Variants in EXTL3 observed in about 807,000 individuals in gnomAD.
The protein encoded by EXTL3 is exostosin-like 3.
EXTL3 carries 27 observed loss-of-function variants against 69.3 expected under a neutral mutation model. The ratio of observed to expected loss-of-function variants is 0.39; its 90% CI spans 0.29 to 0.54. The LOEUF is 0.54. Among genes scored for constraint, EXTL3 ranks in the 20% least tolerant of loss-of-function variants. The probability of loss-of-function intolerance (pLI) is 0.69; values close to 1 mark genes in which losing one functional copy is unlikely to be tolerated. For synonymous variants in EXTL3, 511 were observed against 499.4 expected, an observed-to-expected ratio of 1.02 and a Z score of -0.31; for missense variants, 1,003 against 1,231.8, an observed-to-expected ratio of 0.81 and a Z score of 2.78.
At chr8:28,709,232 C>T (rs1395769181) in intron 1 of EXTL3, among the ~76,000 whole-genome samples, 2 of 152,176 alleles carry the variant, frequency 1.3e-5, no homozygotes, top group Non-Finnish European at 2.9e-5. Flanking sequence ...ACAGTAAACC[C>T]ACTTCACGGG....
At chr8:28,744,697 G>A (rs1170293399) in intron 6 of EXTL3, among the ~76,000 whole-genome samples, 1 of 152,158 alleles carries the variant, frequency 6.6e-6, no homozygotes, top group Non-Finnish European at 1.5e-5. Context: ...AGGAGGCCAA[G>A]GCAGGAGAAT....
At chr8:28,659,599 C>G (rs575617097) in intron 1 of EXTL3, among the ~76,000 whole-genome samples, 1 of 152,270 alleles carries the variant, frequency 6.6e-6, no homozygotes, top group East Asian at 1.9e-4. Context: ...ATGTCAGCTT[C>G]TATCCTGGAT....
intron 1 of EXTL3, among the ~76,000 whole-genome samples, chr8:28,674,134 C>T (rs1265901353): frequency 6.6e-6 from 1 of 152,134 alleles, no homozygotes; most frequent in Non-Finnish European, 1.5e-5. Flanking sequence ...AGCTGGAGTG[C>T]AGTAGCACAA....
At chr8:28,701,993 T>A (rs895079181) in intron 1 of EXTL3, among the ~76,000 whole-genome samples, 1 of 150,186 alleles carries the variant, frequency 6.7e-6, no homozygotes, top group Non-Finnish European at 1.5e-5. Context: ...CGCCTCCACC[T>A]TTTTTTGGAC....
intron 1 of EXTL3, among the ~76,000 whole-genome samples, chr8:28,671,344 C>T (rs1323037439): frequency 2.3e-5 from 3 of 129,214 alleles, no homozygotes; most frequent in Non-Finnish European, 3.1e-5. Flanking sequence ...CCGACTCTCT[C>T]TCTGTTGCCT....
intron 1 of EXTL3, among the ~76,000 whole-genome samples, chr8:28,644,119 T>C (rs1482696003): frequency 6.6e-6 from 1 of 152,150 alleles, no homozygotes; most frequent in Non-Finnish European, 1.5e-5. Flanking sequence ...TTAGCTTGAC[T>C]TTTAGATGAA....
At chr8:28,644,374 C>T (rs536623595) in intron 1 of EXTL3, among the ~76,000 whole-genome samples, 9 of 152,196 alleles carry the variant, frequency 5.9e-5, no homozygotes, top group African/African-American at 2.2e-4. Context: ...GACATAGAAT[C>T]TCTGGAGTAC....
chr8:28,695,285 TG>T (rs1162218420), intron 1 of EXTL3, among the ~76,000 whole-genome samples: 1 of 151,912 alleles, frequency 6.6e-6, no homozygotes, highest in Non-Finnish European at 1.5e-5. Context: ...CCCACCACCA[TG>T]CCCGGCTAAT....
chr8:28,729,422 CCGTCT>C (rs1585285252), intron 3 of EXTL3, among the ~76,000 whole-genome samples: 2 of 150,858 alleles, frequency 1.3e-5, no homozygotes, highest in East Asian at 3.9e-4. Flanking sequence ...TGGTGAAACC[CCGTCT>C]CTACTAAAAA....
chr8:28,735,254 G>A (rs969717954), intron 4 of EXTL3, among the ~76,000 whole-genome samples: 3 of 152,214 alleles, frequency 2.0e-5, no homozygotes, highest in African/African-American at 7.2e-5. Context: ...GATGCAGTTT[G>A]GAGCGTGCCG....
intron 1 of EXTL3, among the ~76,000 whole-genome samples, chr8:28,677,297 T>C (rs1319137508): frequency 6.6e-6 from 1 of 152,094 alleles, no homozygotes; most frequent in Non-Finnish European, 1.5e-5. Flanking sequence ...CCTTTTATTA[T>C]TTTTTTAAAA....
intron 4 of EXTL3, among the ~76,000 whole-genome samples, chr8:28,734,326 A>G (rs577806543): frequency 6.6e-6 from 1 of 152,330 alleles, no homozygotes; most frequent in South Asian, 2.1e-4. Context: ...TGTCATATTT[A>G]AGAAACCAGG....
rs1381642649 is a variant in EXTL3, at chr8:28,755,252, C to T, written c.*4386C>T. The T allele has an allele frequency of 6.6e-6, 1 of 152,398 alleles. No individual in the cohort carries two copies. The highest frequency in any genetic ancestry group is 1.5e-5 in the Non-Finnish European group (1 of 68,080). 9.4% of individuals were successfully genotyped at this position (152,398 alleles called of 1,614,324 possible). On this transcript the variant is annotated 3_prime_UTR_variant, in exon 7 of 7. Coordinates refer to ENST00000220562, the MANE Select transcript of EXTL3 (RefSeq NM_001440.4). The stretch of plus-strand genomic sequence containing the variant: ...CCTGGCTGAGTGCCCTGCTCACCTC[C>T]TATTAGAGCCCCCACGCTCTGTCGC...
At position 28,647,504 on chromosome 8, in the gene EXTL3, C is replaced by T. The variant is rs537821584; in HGVS notation, c.-53+24694C>T. Reference sequence around the variant, plus strand: ...GGCAGGGATTCCTGTTGTCATCTGACGGTATGGCAGCTGAGCATCAGAGAG... The same window carrying T: ...GGCAGGGATTCCTGTTGTCATCTGATGGTATGGCAGCTGAGCATCAGAGAG... On this transcript the variant is annotated intron_variant, in intron 1 of 6. Transcript: ENST00000523149. 1.1e-4 allele frequency among the ~76,000 whole-genome samples: 16 copies of T among 152,204 alleles called. No individual in the cohort carries two copies. In the South Asian group the frequency reaches 2.9e-3, roughly 28 times the overall value.
chr8:28,734,456 A>G (rs1801605328), intron 4 of EXTL3, among the ~76,000 whole-genome samples: 1 of 152,206 alleles, frequency 6.6e-6, no homozygotes, highest in South Asian at 2.1e-4. Context: ...TTACACCTGT[A>G]ATCCCAGCAT....
At chr8:28,667,307 G>A (rs1426282922) in intron 1 of EXTL3, among the ~76,000 whole-genome samples, 1 of 152,178 alleles carries the variant, frequency 6.6e-6, no homozygotes, top group Non-Finnish European at 1.5e-5. Context: ...TAACAAGGGT[G>A]GGGGATTCTT....
At chr8:28,705,104 G>A (rs1160506225) in intron 1 of EXTL3, among the ~76,000 whole-genome samples, 2 of 152,216 alleles carry the variant, frequency 1.3e-5, no homozygotes, top group East Asian at 1.9e-4. Context: ...GAGGTGAAAC[G>A]AGAAGGAGGT....
intron 3 of EXTL3, among the ~76,000 whole-genome samples, chr8:28,721,452 G>A (rs1249785957): frequency 6.6e-6 from 1 of 152,200 alleles, no homozygotes; most frequent in Non-Finnish European, 1.5e-5. Context: ...TTGTATGAGA[G>A]TTTTAGCTGT....
chr8:28,697,751 A>C (rs1271894780), upstream of EXTL3: 1 of 151,474 alleles, frequency 6.6e-6, no homozygotes, highest in Non-Finnish European at 1.5e-5. Context: ...GCTTGAACCC[A>C]GAAGGCGGAG....
Sources: gnomAD v4.1 joint callset for allele counts (sites outside exome capture counted in the v4.1 genomes callset) on GRCh38, gnomAD v4.1.1 for gene constraint, MANE v1.5 for transcripts, NCBI Gene and HGNC (gene_info 2026-07-23, HGNC 2026-07-21) for gene names.